The following USP42 variants were observed in gnomAD, a reference collection of about 807,000 sequenced individuals.
USP42 encodes ubiquitin carboxyl-terminal hydrolase 42.
Under a neutral mutation model 113.0 loss-of-function variants are expected in USP42, and 23 were observed. The ratio of observed to expected loss-of-function variants is 0.20; its 90% CI spans 0.15 to 0.29. The LOEUF (loss-of-function observed/expected upper bound fraction) is 0.29. Among genes scored for constraint, USP42 ranks in the 10% least tolerant of loss-of-function variants. The probability of loss-of-function intolerance (pLI) is 1.00; values close to 1 mark genes in which losing one functional copy is unlikely to be tolerated. For missense variants in USP42, 2,174 were observed against 1,779.8 expected, an observed-to-expected ratio of 1.22 and a Z score of -3.99; for synonymous variants, 933 against 699.0, an observed-to-expected ratio of 1.33 and a Z score of -5.28.
At chr7:6,108,659 T>G (rs1264054416) in intron 1 of USP42, among the ~76,000 whole-genome samples, 1 of 152,100 alleles carries the variant, frequency 6.6e-6, no homozygotes, top group Non-Finnish European at 1.5e-5. Flanking sequence ...TTTTGTATTT[T>G]CAGTAGAGAC....
chr7:6,120,242 G>T (rs1050532062), intron 3 of USP42, among the ~76,000 whole-genome samples: 1 of 152,028 alleles, frequency 6.6e-6, no homozygotes, highest in Non-Finnish European at 1.5e-5. Flanking sequence ...GGGATTACAG[G>T]CGTGAGCCAC....
At chr7:6,096,058 G>A in the USP42 span, among the ~76,000 whole-genome samples, 1 of 151,070 alleles carries the variant, frequency 6.6e-6, no homozygotes. Context: ...ACCTCACCCA[G>A]CCTGGATGCA....
At chr7:6,140,359 A>G (rs1299500605) in intron 6 of USP42, among the ~76,000 whole-genome samples, 164 bp downstream of exon 6, 3 of 152,172 alleles carry the variant, frequency 2.0e-5, no homozygotes, top group Non-Finnish European at 2.9e-5. Flanking sequence ...AGGTTGTAGT[A>G]AATCCTCCTG....
chr7:6,150,672 G>A (rs1781992105), intron 14 of USP42, among the ~76,000 whole-genome samples, 166 bp downstream of exon 14: 1 of 152,128 alleles, frequency 6.6e-6, no homozygotes, highest in South Asian at 2.1e-4. Flanking sequence ...CCTTTTAGAA[G>A]AGTAAAGAAA....
chr7:6,110,976 G>A, intron 1 of USP42, 149 bp from the exon 2 acceptor site: 2 of 726,650 alleles, frequency 2.8e-6, no homozygotes, highest in Non-Finnish European at 4.3e-6. Flanking sequence ...TTACAGAAAT[G>A]TTAGAAAGTA....
chr7:6,104,479 T>G (rs1037665158), upstream of USP42, among the ~76,000 whole-genome samples: 2 of 152,232 alleles, frequency 1.3e-5, no homozygotes, highest in African/African-American at 2.4e-5. Flanking sequence ...AAGCGGAGGA[T>G]TTCTCGGAGC....
chr7:6,155,213 T>A lies in USP42; in HGVS notation c.3641+18T>A. Reference sequence around the variant, plus strand: ...GACTCCAGGTGAGCCTGGGGCCTTGTGCTCCCCGAGGCGCTGGCGCTGCTG... The same window carrying A: ...GACTCCAGGTGAGCCTGGGGCCTTGAGCTCCCCGAGGCGCTGGCGCTGCTG... On this transcript the variant is annotated intron_variant, in intron 15 of 17. Coordinates refer to ENST00000306177, the MANE Select transcript of USP42 (RefSeq NM_032172.3). 1.3e-6 allele frequency: 2 copies of A among 1,513,480 alleles called. No homozygotes were observed. Among genetic ancestry groups the A allele is most frequent in the Non-Finnish European group, 1.8e-6 (2 of 1,138,348 alleles). The allele number at this position is 1,513,480 out of a possible 1,614,324, so 93.8% of individuals were successfully genotyped here.
chr7:6,128,703 T>G (rs1780675312), intron 3 of USP42, among the ~76,000 whole-genome samples: 2 of 152,198 alleles, frequency 1.3e-5, no homozygotes, highest in African/African-American at 4.8e-5. Flanking sequence ...ATTTAATGTT[T>G]TGTTTTTTGT....
chr7:6,082,723 A>C, the USP42 span, among the ~76,000 whole-genome samples: 1 of 133,100 alleles, frequency 7.5e-6, no homozygotes, highest in African/African-American at 3.0e-5. Context: ...CAATTCTCCT[A>C]TCTGAGCCTC....
At chr7:6,122,810 C>A (rs951641764) in intron 3 of USP42, among the ~76,000 whole-genome samples, 14 of 150,982 alleles carry the variant, frequency 9.3e-5, no homozygotes, top group Admixed American at 8.0e-4. Flanking sequence ...CACTAAGTTG[C>A]TCAGGCTCAT....
chr7:6,123,133 C>T (rs1186851091), intron 3 of USP42, among the ~76,000 whole-genome samples: 1 of 152,060 alleles, frequency 6.6e-6, no homozygotes, highest in Admixed American at 6.6e-5. Flanking sequence ...GCCTGTTATG[C>T]CCTCTTGATG....
chr7:6,108,307 G>A (rs1779405394), intron 1 of USP42, among the ~76,000 whole-genome samples: 1 of 152,144 alleles, frequency 6.6e-6, no homozygotes, highest in African/African-American at 2.4e-5. Flanking sequence ...GGAGGCAGAG[G>A]CAGGAGGATC....
chr7:6,126,119 C>G (rs948161375), intron 3 of USP42, among the ~76,000 whole-genome samples: 1 of 152,146 alleles, frequency 6.6e-6, no homozygotes, highest in South Asian at 2.1e-4. Context: ...TTCTCCATTT[C>G]TATGATTTTG....
intron 1 of USP42, among the ~76,000 whole-genome samples, chr7:6,108,107 C>T (rs1351105550): frequency 6.6e-6 from 1 of 152,132 alleles, no homozygotes; most frequent in Non-Finnish European, 1.5e-5. Flanking sequence ...TCACTTGAAG[C>T]CAGGAGGTGG....
intron 2 of USP42, chr7:6,111,664 G>A (rs562039807): frequency 1.5e-4 from 33 of 226,046 alleles, no homozygotes; most frequent in Non-Finnish European, 1.7e-4. Flanking sequence ...GTGCAGTGGC[G>A]CGATCTTGAC....
In USP42 at chr7:6,150,045, G is replaced by A. The variant is rs752933903; in HGVS notation, c.1849G>A (p.Glu617Lys). The change falls in exon 13 of 18, where the codon GAG (glutamate) becomes AAG (lysine). Residue 617 changes from glutamate (E) to lysine (K), a missense_variant. Coordinates refer to ENST00000306177, the MANE Select transcript of USP42 (RefSeq NM_032172.3). Reference sequence around the variant, plus strand: ...CGCCGAGTCCTCTGAGGACTCTGACGAGGAGTCAAAGGGGCTGGGCAAGGA... The same window carrying A: ...CGCCGAGTCCTCTGAGGACTCTGACAAGGAGTCAAAGGGGCTGGGCAAGGA... ...YGAESSEDSD[E>K]ESKGLGKENG... 4 of 1,610,758 alleles carry A rather than the reference G, an allele frequency of 2.5e-6. No individual in the cohort carries two copies. The highest frequency in any genetic ancestry group is 1.3e-5 in the African/African-American group (1 of 74,978).
chr7:6,114,031 C>G (rs1262249185), intron 2 of USP42, among the ~76,000 whole-genome samples: 1 of 152,196 alleles, frequency 6.6e-6, no homozygotes, highest in Non-Finnish European at 1.5e-5. Context: ...TGAGCTTCAT[C>G]TTGAGTTCCA....
Position 6,135,944 on chromosome 7 carries a change from G to A in USP42, c.546G>A (p.Glu182=), listed in dbSNP as rs1339569264. The stretch of plus-strand genomic sequence containing the variant: ...TTAAACCAATGTTTGTCATCAATGA[G>A]ATGCGGCGTAAGTATTAACTATTGT... ...DVIKPMFVIN[E]MRRIARHFRF... Residue 182 remains glutamate, a synonymous_variant, in exon 4 of 18, where the codon GAG becomes GAA. Coordinates refer to ENST00000306177, the MANE Select transcript of USP42 (RefSeq NM_032172.3). 3 of 1,587,330 alleles carry A rather than the reference G, an allele frequency of 1.9e-6. No individual in the cohort carries two copies. The highest frequency in any genetic ancestry group is 2.6e-6 in the Non-Finnish European group (3 of 1,162,622).
the USP42 span, among the ~76,000 whole-genome samples, chr7:6,094,387 T>C: frequency 6.7e-6 from 1 of 149,548 alleles, no homozygotes; most frequent in African/African-American, 2.5e-5. Flanking sequence ...CCCAGGCTGG[T>C]CTTGAACTCT....
Sources: allele counts gnomAD v4.1 joint callset (sites outside exome capture counted in the v4.1 genomes callset), GRCh38; gene constraint gnomAD v4.1.1; transcripts MANE v1.5; gene names NCBI Gene and HGNC (gene_info 2026-07-23, HGNC 2026-07-21).